Variants in CDKL1 observed in about 807,000 individuals in gnomAD.
CDKL1 encodes cyclin-dependent kinase-like 1.
Under a neutral mutation model 42.0 loss-of-function variants are expected in CDKL1, and 41 were observed. The observed-to-expected ratio is 0.98, with a 90% CI of 0.76 to 1.27. CDKL1 has a LOEUF of 1.27. CDKL1 is among the 50% of genes most tolerant of loss of function. CDKL1 has a pLI of 0.00. For missense variants in CDKL1, 394 were observed against 428.4 expected (o/e 0.92, Z 0.71); for synonymous variants, 153 against 158.6 (o/e 0.96, Z 0.26).
intron 2 of CDKL1, among the ~76,000 whole-genome samples, chr14:50,387,899 TTTG>T (rs1235882446): frequency 2.0e-4 from 31 of 152,196 alleles, no homozygotes; most frequent in African/African-American, 7.5e-4. Flanking sequence ...TGTTTGTTTG[TTTG>T]TTTTGTTTTT....
At chr14:50,381,437 T>G (rs2034904643) in intron 2 of CDKL1, among the ~76,000 whole-genome samples, 1 of 152,210 alleles carries the variant, frequency 6.6e-6, no homozygotes, top group South Asian at 2.1e-4. Flanking sequence ...TCATCTGTGT[T>G]GCTGCCCTGT....
chr14:50,361,946 G>A (rs1287062157), intron 2 of CDKL1, among the ~76,000 whole-genome samples: 1 of 152,270 alleles, frequency 6.6e-6, no homozygotes, highest in Admixed American at 6.5e-5. Flanking sequence ...CTTGCAGGGA[G>A]GTGTGGAGGG....
At chr14:50,337,593 T>G (rs536777932) in intron 7 of CDKL1, among the ~76,000 whole-genome samples, 2 of 152,116 alleles carry the variant, frequency 1.3e-5, no homozygotes, top group South Asian at 2.1e-4. Context: ...GCTCAAGCAA[T>G]ATTTCACCTC....
chr14:50,369,608 G>GCACACA (rs34614605), intron 2 of CDKL1, among the ~76,000 whole-genome samples: 38 of 143,976 alleles, frequency 2.6e-4, no homozygotes, highest in South Asian at 8.8e-4. Flanking sequence ...ATACACACAT[G>GCACACA]CACACACACA....
intron 7 of CDKL1, among the ~76,000 whole-genome samples, chr14:50,336,527 G>A (rs913843875): frequency 6.6e-6 from 1 of 152,178 alleles, no homozygotes; most frequent in East Asian, 1.9e-4. Flanking sequence ...AGGAGGAAGA[G>A]GCAGTGGAGA....
At chr14:50,335,465 G>A (rs1220193770) in intron 7 of CDKL1, 34 of 1,535,854 alleles carry the variant, frequency 2.2e-5, no homozygotes, top group Non-Finnish European at 2.8e-5. Context: ...TCAGCCTGCT[G>A]TTTAAACAGT....
At chr14:50,348,240 C>A (rs571610843) in intron 3 of CDKL1, among the ~76,000 whole-genome samples, 1 of 152,308 alleles carries the variant, frequency 6.6e-6, no homozygotes, top group East Asian at 1.9e-4. Context: ...CGGGAAGTAG[C>A]AGCCAAAGTC....
intron 2 of CDKL1, among the ~76,000 whole-genome samples, chr14:50,366,742 G>T (rs1358681272): frequency 2.0e-5 from 3 of 151,248 alleles, no homozygotes; most frequent in African/African-American, 7.4e-5. Context: ...GTGGTGATCG[G>T]CTGGAGGTGA....
chr14:50,333,660 A>C (rs1268854831), intron 8 of CDKL1: 1 of 152,142 alleles, frequency 6.6e-6, no homozygotes, highest in Non-Finnish European at 1.5e-5. Context: ...CTTCCACTTT[A>C]CTGTGTGGAC....
At chr14:50,386,873 A>T (rs777683399) in intron 2 of CDKL1, among the ~76,000 whole-genome samples, 1 of 151,676 alleles carries the variant, frequency 6.6e-6, no homozygotes, top group African/African-American at 2.4e-5. Flanking sequence ...CTAAAAACAC[A>T]AAAACCAGCC....
chr14:50,354,707 C>A (rs1219990091), intron 3 of CDKL1, among the ~76,000 whole-genome samples: 1 of 152,138 alleles, frequency 6.6e-6, no homozygotes, highest in Non-Finnish European at 1.5e-5. Context: ...GGATACATAT[C>A]TCGTGGTATA....
At chr14:50,364,915 C>T (rs1337091016) in intron 2 of CDKL1, among the ~76,000 whole-genome samples, 1 of 152,138 alleles carries the variant, frequency 6.6e-6, no homozygotes, top group Non-Finnish European at 1.5e-5. Context: ...CTGCCCCTAC[C>T]GGCCTGGAGC....
intron 3 of CDKL1, among the ~76,000 whole-genome samples, chr14:50,347,865 C>A (rs1387814425): frequency 3.3e-5 from 5 of 152,132 alleles, no homozygotes; most frequent in African/African-American, 1.2e-4. Flanking sequence ...AGGAAGGGGA[C>A]CCCACAAGGG....
intron 2 of CDKL1, among the ~76,000 whole-genome samples, chr14:50,382,237 G>A (rs1175092078): frequency 6.6e-6 from 1 of 152,114 alleles, no homozygotes; most frequent in Non-Finnish European, 1.5e-5. Context: ...CGGATCACGA[G>A]GTCACGAGAT....
At chr14:50,360,227 A>G (rs554970012) in intron 2 of CDKL1, among the ~76,000 whole-genome samples, 1 of 152,216 alleles carries the variant, frequency 6.6e-6, no homozygotes, top group African/African-American at 2.4e-5. Context: ...CACAAAATAT[A>G]TCATCTTAAT....
At chr14:50,385,804 A>C (rs975095017) in intron 2 of CDKL1, among the ~76,000 whole-genome samples, 17 of 60,486 alleles carry the variant, frequency 2.8e-4, no homozygotes, top group Non-Finnish European at 5.4e-4. Context: ...ACTCCGTCCC[A>C]AAAAAAAAAA....
chr14:50,372,710 T>C (rs2034623986), intron 2 of CDKL1, among the ~76,000 whole-genome samples: 1 of 152,206 alleles, frequency 6.6e-6, no homozygotes, highest in Non-Finnish European at 1.5e-5. Context: ...TTTTGTATAT[T>C]GTGTGAGATA....
intron 4 of CDKL1, chr14:50,342,535 T>C (rs1487893154): frequency 1.9e-5 from 12 of 633,556 alleles, no homozygotes; most frequent in Non-Finnish European, 2.5e-5. Flanking sequence ...ATAATTTTTT[T>C]AGGATAATAC....
intron 2 of CDKL1, chr14:50,377,453 G>T (rs533274353): frequency 2.0e-6 from 1 of 507,884 alleles, no homozygotes; most frequent in Non-Finnish European, 2.7e-6. Flanking sequence ...CTGCTCTCTG[G>T]TATCACTTCC....
Sources: allele counts gnomAD v4.1 joint callset (sites outside exome capture counted in the v4.1 genomes callset), GRCh38; gene constraint gnomAD v4.1.1; transcripts MANE v1.5; gene names NCBI Gene and HGNC (gene_info 2026-07-23, HGNC 2026-07-21).